Variants in MCTP2 observed in about 807,000 individuals in gnomAD.
MCTP2 encodes multiple C2 and transmembrane domain-containing protein 2.
In MCTP2, 132 loss-of-function variants were observed where a neutral mutation model predicts 111.6. The ratio of observed to expected loss-of-function variants is 1.18; its 90% CI spans 1.03 to 1.37. The LOEUF is 1.37. Ranked by LOEUF, MCTP2 falls within the 40% of genes most tolerant of loss-of-function variation. The pLI is 0.00. For missense variants in MCTP2, 1,183 were observed against 1,067.9 expected (o/e 1.11, Z -1.50); for synonymous variants, 395 against 387.7 (o/e 1.02, Z -0.22).
intron 19 of MCTP2, among the ~76,000 whole-genome samples, chr15:94,448,386 C>T (rs1242346117): frequency 6.6e-6 from 1 of 152,138 alleles, no homozygotes; most frequent in Non-Finnish European, 1.5e-5. Context: ...AGATGAATTA[C>T]CTGTCCTTCT....
In MCTP2 at chr15:94,458,178, A is replaced by G. The variant is rs778892861; in HGVS notation, c.2292A>G (p.Val764=). The change falls in exon 20 of 23, where the codon GTA becomes GTG. Residue 764 remains valine, a synonymous_variant. Transcript: ENST00000357742. The part of the protein sequence containing the change: ...KKGLIERIYM[V]QDIVSTVQNV... ...GGTTGATTGAAAGAATCTATATGGT[A>G]CAGGATATTGTTTCAACTGTTCAAA... 13 of 1,612,426 alleles carry G rather than the reference A, an allele frequency of 8.1e-6. No homozygotes were observed. Among genetic ancestry groups the G allele is most frequent in the Non-Finnish European group, 1.0e-5 (12 of 1,178,446 alleles).
chr15:94,340,389 A>G (rs976717582), intron 6 of MCTP2, 114 bp downstream of exon 6: 102 of 804,868 alleles, frequency 1.3e-4, no homozygotes, highest in Middle Eastern at 4.8e-4. Context: ...TGAACAAATG[A>G]AAGAGAGCTT....
At chr15:94,433,753 C>G (rs987636544) in intron 17 of MCTP2, among the ~76,000 whole-genome samples, 1 of 152,144 alleles carries the variant, frequency 6.6e-6, no homozygotes, top group Non-Finnish European at 1.5e-5. Flanking sequence ...ACATTTTTGT[C>G]AACACTTTAT....
intron 1 of MCTP2, among the ~76,000 whole-genome samples, chr15:94,243,771 T>A (rs1302247376): frequency 6.8e-6 from 1 of 146,446 alleles, no homozygotes; most frequent in Non-Finnish European, 1.5e-5. Flanking sequence ...GTGTATATAT[T>A]TATGAACATA....
rs1345632290 is a variant in MCTP2 at position 94,384,058 on chromosome 15, A to G, written c.1619A>G (p.Asn540Ser). ...SDPFCLLELG[N>S]DRLQTHTVYK... ...CCATTTTGCTTGTTGGAGTTAGGCA[A>G]TGACCGACTTCAGACGCATACCGTC... is the stretch of plus-strand genomic sequence containing the variant. The change falls in exon 13 of 23, where the codon AAT (asparagine) becomes AGT (serine). Residue 540 changes from asparagine (N) to serine (S), a missense_variant. Coordinates refer to ENST00000357742, the MANE Select transcript of MCTP2 (RefSeq NM_001385001.1). The G allele has an allele frequency of 3.1e-6, 5 of 1,613,918 alleles. No individual in the cohort carries two copies. Among genetic ancestry groups the G allele is most frequent in the South Asian group, 2.2e-5 (2 of 91,062 alleles).
chr15:94,309,759 A>G (rs1027387924), intron 2 of MCTP2, among the ~76,000 whole-genome samples: 7 of 152,196 alleles, frequency 4.6e-5, no homozygotes, highest in African/African-American at 1.4e-4. Context: ...ATCCACATCT[A>G]AAGGGAATGC....
intron 15 of MCTP2, 49 bp from the exon 16 acceptor site, chr15:94,399,872 T>A: frequency 6.6e-7 from 1 of 1,509,818 alleles, no homozygotes; most frequent in Non-Finnish European, 9.2e-7. Flanking sequence ...ACTAGGTGGA[T>A]GAAGTCCCTA....
chr15:94,235,205 G>T (rs1284085727), intron 1 of MCTP2, among the ~76,000 whole-genome samples: 1 of 150,640 alleles, frequency 6.6e-6, no homozygotes, highest in Admixed American at 6.6e-5. Flanking sequence ...AGTGAGCCAA[G>T]ATTGCACCAT....
At chr15:94,402,094 C>A in intron 17 of MCTP2, 75 bp downstream of exon 17, 3 of 1,547,374 alleles carry the variant, frequency 1.9e-6, no homozygotes, top group Non-Finnish European at 2.6e-6. Context: ...TATATTACAG[C>A]GTAGGTGATT....
chr15:94,303,411 T>G (rs2075737771), intron 2 of MCTP2, among the ~76,000 whole-genome samples: 1 of 152,050 alleles, frequency 6.6e-6, no homozygotes, highest in African/African-American at 2.4e-5. Flanking sequence ...GGCAGCTGAT[T>G]AGATGATGCC....
At chr15:94,475,553 C>G (rs944235995) in intron 21 of MCTP2, among the ~76,000 whole-genome samples, 1 of 152,124 alleles carries the variant, frequency 6.6e-6, no homozygotes, top group African/African-American at 2.4e-5. Flanking sequence ...TGAGTAGGAG[C>G]CATTCAGAGT....
At chr15:94,455,878 A>T (rs192574291) in intron 19 of MCTP2, among the ~76,000 whole-genome samples, 1 of 152,248 alleles carries the variant, frequency 6.6e-6, no homozygotes, top group Non-Finnish European at 1.5e-5. Flanking sequence ...TAATCCTGAC[A>T]TCGGTATATA....
At chr15:94,372,788 G>A (rs76868536) in intron 12 of MCTP2, among the ~76,000 whole-genome samples, 9 of 150,608 alleles carry the variant, frequency 6.0e-5, no homozygotes, top group Non-Finnish European at 4.4e-5. Context: ...AAAAAAAAAA[G>A]CATTTACTCC....
intron 17 of MCTP2, among the ~76,000 whole-genome samples, chr15:94,414,582 A>T (rs2082294695): frequency 6.6e-6 from 1 of 152,176 alleles, no homozygotes; most frequent in African/African-American, 2.4e-5. Flanking sequence ...GAAATAGGTT[A>T]TTGCCTGACT....
At chr15:94,364,906 G>C (rs1450389757) in intron 10 of MCTP2, among the ~76,000 whole-genome samples, 1 of 152,150 alleles carries the variant, frequency 6.6e-6, no homozygotes, top group East Asian at 1.9e-4. Flanking sequence ...CCTGAAGAAG[G>C]TTTTGTATGA....
chr15:94,390,725 CTTTTTTTTTTTT>C (rs777312969), intron 14 of MCTP2, among the ~76,000 whole-genome samples: 1 of 112,984 alleles, frequency 8.9e-6, no homozygotes, highest in Non-Finnish European at 1.9e-5. Flanking sequence ...CTTTTCTTTT[CTTTTTTTTTTTT>C]TTTTTTTTTT....
At chr15:94,250,889 G>A (rs1474351631) in intron 1 of MCTP2, among the ~76,000 whole-genome samples, 1 of 152,202 alleles carries the variant, frequency 6.6e-6, no homozygotes, top group Non-Finnish European at 1.5e-5. Context: ...TATTTATAGA[G>A]TGAGAGGCAG....
intron 1 of MCTP2, among the ~76,000 whole-genome samples, chr15:94,244,566 A>T (rs866272984): frequency 1.7e-4 from 24 of 140,930 alleles, no homozygotes; most frequent in East Asian, 6.1e-4. Flanking sequence ...ATGTTTATAT[A>T]CGTATATGTA....
At chr15:94,467,048 A>G (rs1433946) in intron 20 of MCTP2, among the ~76,000 whole-genome samples, 58,967 of 152,022 alleles carry the variant, frequency 0.39, 11,592 homozygotes, top group Middle Eastern at 0.48. Context: ...TAGTGACTAT[A>G]TGCCATATAT....
Sources: gnomAD v4.1 joint callset for allele counts (sites outside exome capture counted in the v4.1 genomes callset) on GRCh38, gnomAD v4.1.1 for gene constraint, MANE v1.5 for transcripts, NCBI Gene and HGNC (gene_info 2026-07-23, HGNC 2026-07-21) for gene names.